Variants in ATRNL1 observed in about 807,000 individuals in gnomAD.
ATRNL1 encodes attractin like 1.
ATRNL1 carries 95 observed loss-of-function variants against 182.7 expected under a neutral mutation model. The observed-to-expected ratio is 0.52, with a 90% CI of 0.44 to 0.62. ATRNL1 has a LOEUF of 0.62. ATRNL1 is among the 20% of genes least tolerant of loss of function. ATRNL1 has a pLI of 0.00. For missense variants in ATRNL1, 1,471 were observed against 1,679.5 expected (o/e 0.88, Z 2.17); for synonymous variants, 576 against 568.3 (o/e 1.01, Z -0.19).
chr10:115,220,151 T>G (rs551600125), intron 9 of ATRNL1, among the ~76,000 whole-genome samples: 2 of 152,174 alleles, frequency 1.3e-5, no homozygotes, highest in East Asian at 3.9e-4. Context: ...CCTTTTGAAC[T>G]GCAGTCTCTC....
intron 27 of ATRNL1, among the ~76,000 whole-genome samples, chr10:115,784,135 T>C (rs1403547962): frequency 2.0e-5 from 3 of 152,226 alleles, no homozygotes; most frequent in Non-Finnish European, 4.4e-5. Flanking sequence ...TCAGTTTTCT[T>C]TTCTGTAAAA....
chr10:115,568,902 C>T (rs1270766490), intron 26 of ATRNL1, among the ~76,000 whole-genome samples: 2 of 151,930 alleles, frequency 1.3e-5, no homozygotes, highest in African/African-American at 4.8e-5. Context: ...GTTGCATATT[C>T]CAATATCAAC....
intron 28 of ATRNL1, among the ~76,000 whole-genome samples, chr10:115,861,476 G>T (rs1316496632): frequency 6.6e-6 from 1 of 152,070 alleles, no homozygotes; most frequent in Admixed American, 6.5e-5. Context: ...ACTGCCCTTT[G>T]TCATGTACCT....
At chr10:115,603,619 A>G (rs552823347) in intron 26 of ATRNL1, among the ~76,000 whole-genome samples, 1 of 152,284 alleles carries the variant, frequency 6.6e-6, no homozygotes, top group Admixed American at 6.5e-5. Context: ...TTCTTATACT[A>G]TTGTGTCATA....
chr10:115,354,207 T>G (rs1856400341), intron 19 of ATRNL1, among the ~76,000 whole-genome samples: 1 of 152,100 alleles, frequency 6.6e-6, no homozygotes, highest in African/African-American at 2.4e-5. Flanking sequence ...ATTCTTCTTC[T>G]AATGTTGGAC....
intron 8 of ATRNL1, among the ~76,000 whole-genome samples, chr10:115,211,269 T>A (rs1281399977): frequency 6.6e-6 from 1 of 151,656 alleles, no homozygotes; most frequent in African/African-American, 2.4e-5. Context: ...ATTTAAGAAT[T>A]TTTTCCCTCT....
Position 115,215,900 on chromosome 10 carries a change from C to A in ATRNL1, c.1532+20C>A. 6.9e-7 allele frequency: 1 copy of A among 1,450,312 alleles called. No homozygotes were observed. The highest frequency in any genetic ancestry group is 9.1e-7 in the Non-Finnish European group (1 of 1,093,050). The allele number at this position is 1,450,312 out of a possible 1,614,324, so 89.8% of individuals were successfully genotyped here. A position where few individuals can be genotyped will look rare whatever the true frequency, so the allele number is the denominator to read the frequency against. On this transcript the variant is annotated intron_variant, in intron 9 of 28. Transcript: ENST00000355044. ...GACTTGGTGAGTACACAAAATAACA[C>A]ATTTTCTATGTTGCCATTATTATTG...
chr10:115,132,572 C>T (rs1284048769), intron 5 of ATRNL1, among the ~76,000 whole-genome samples: 5 of 152,150 alleles, frequency 3.3e-5, no homozygotes, highest in Non-Finnish European at 7.3e-5. Context: ...TCCTATTTCT[C>T]CACATTCTCT....
chr10:115,465,500 C>G (rs1490906677), intron 22 of ATRNL1, among the ~76,000 whole-genome samples: 3 of 151,572 alleles, frequency 2.0e-5, no homozygotes, highest in Non-Finnish European at 4.4e-5. Context: ...TCACTTATAT[C>G]TTAAAAGAAA....
intron 6 of ATRNL1, among the ~76,000 whole-genome samples, chr10:115,162,301 A>C (rs1419564646): frequency 6.6e-6 from 1 of 152,092 alleles, no homozygotes; most frequent in Non-Finnish European, 1.5e-5. Flanking sequence ...TATAAATGTA[A>C]TAGTTAAGGT....
At chr10:115,140,753 G>C (rs1845724612) in intron 5 of ATRNL1, among the ~76,000 whole-genome samples, 1 of 151,972 alleles carries the variant, frequency 6.6e-6, no homozygotes, top group African/African-American at 2.4e-5. Context: ...ATTGAAGTTG[G>C]CTGTTTTAAA....
At chr10:115,812,517 C>T (rs1043273596) in intron 27 of ATRNL1, among the ~76,000 whole-genome samples, 5 of 152,104 alleles carry the variant, frequency 3.3e-5, no homozygotes, top group African/African-American at 1.2e-4. Context: ...GTTCTTGTTG[C>T]CCAAGCTGGA....
intron 28 of ATRNL1, among the ~76,000 whole-genome samples, chr10:115,871,105 T>C (rs1951568577): frequency 6.6e-6 from 1 of 152,190 alleles, no homozygotes; most frequent in African/African-American, 2.4e-5. Context: ...ATTTCGGTTC[T>C]GTCCTTGAAA....
chr10:115,485,434 A>G (rs1554974947), intron 24 of ATRNL1, among the ~76,000 whole-genome samples: 1 of 152,030 alleles, frequency 6.6e-6, no homozygotes, highest in Non-Finnish European at 1.5e-5. Context: ...GAATGGTTAA[A>G]TCTAGCTAAT....
intron 14 of ATRNL1, among the ~76,000 whole-genome samples, chr10:115,282,985 A>C (rs975883542): frequency 1.3e-5 from 2 of 151,092 alleles, no homozygotes; most frequent in Non-Finnish European, 3.0e-5. Flanking sequence ...CCCTACCCCC[A>C]CTTTTTTTTT....
chr10:115,662,525 C>T (rs1485512396), intron 26 of ATRNL1, among the ~76,000 whole-genome samples: 5 of 152,012 alleles, frequency 3.3e-5, no homozygotes, highest in Admixed American at 2.6e-4. Flanking sequence ...ACTCTTTGAC[C>T]AGTTACCTGT....
intron 24 of ATRNL1, among the ~76,000 whole-genome samples, chr10:115,473,838 A>G (rs1848412816): frequency 6.6e-6 from 1 of 151,308 alleles, no homozygotes; most frequent in Non-Finnish European, 1.5e-5. Flanking sequence ...ATTCTTTTCT[A>G]AGTTATTTAA....
chr10:115,317,611 A>G (rs1554930110), intron 18 of ATRNL1, among the ~76,000 whole-genome samples: 2 of 152,066 alleles, frequency 1.3e-5, no homozygotes, highest in African/African-American at 4.8e-5. Flanking sequence ...GGTCCTTCAC[A>G]TCCCTTGTTA....
chr10:115,472,193 C>T (rs533599855), intron 24 of ATRNL1, among the ~76,000 whole-genome samples: 207 of 150,990 alleles, frequency 1.4e-3, no homozygotes, highest in African/African-American at 4.5e-3. Context: ...CTATTCTGCT[C>T]CATTGGTATT....
Sources: gnomAD v4.1 joint callset for allele counts (sites outside exome capture counted in the v4.1 genomes callset) on GRCh38, gnomAD v4.1.1 for gene constraint, MANE v1.5 for transcripts, NCBI Gene and HGNC (gene_info 2026-07-23, HGNC 2026-07-21) for gene names.